Variants in CNNM4 observed in about 807,000 individuals in gnomAD.
The protein encoded by CNNM4 is cyclin and CBS domain divalent metal cation transport mediator 4.
CNNM4 carries 32 observed loss-of-function variants against 53.7 expected under a neutral mutation model. The ratio of observed to expected loss-of-function variants is 0.60; its 90% CI spans 0.45 to 0.80. The LOEUF (loss-of-function observed/expected upper bound fraction) is 0.80. CNNM4 is among the 30% of genes least tolerant of loss of function. The pLI is 0.00. For synonymous variants in CNNM4, 410 were observed against 440.0 expected, an observed-to-expected ratio of 0.93 and a Z score of 0.85; for missense variants, 784 against 1,022.0, an observed-to-expected ratio of 0.77 and a Z score of 3.17.
At chr2:96,771,158 C>T (rs1334761350) in intron 1 of CNNM4, among the ~76,000 whole-genome samples, 5 of 152,142 alleles carry the variant, frequency 3.3e-5, no homozygotes, top group South Asian at 2.1e-4. Flanking sequence ...CCCTGCGCCT[C>T]GCTTACCCCT....
In CNNM4 at chr2:96,800,478, C is replaced by T. The variant is rs941429972; in HGVS notation, c.1948+830C>T. 1.3e-5 allele frequency among the ~76,000 whole-genome samples: 2 copies of T among 152,178 alleles called. No individual in the cohort carries two copies. The highest frequency in any genetic ancestry group is 2.9e-5 in the Non-Finnish European group (2 of 68,016). On this transcript the variant is annotated intron_variant, in intron 5 of 6. Transcript: ENST00000377075. The surrounding 1 kb of genome is among the most constrained non-coding windows in gnomAD (Gnocchi z 4.6). ...CACTGTCCTTTGACAAAAAGGACCC[C>T]GAGGGGGAACGGGGGTAGGGCACCC...
chr2:96,780,610 C>T (rs934481823), intron 1 of CNNM4, among the ~76,000 whole-genome samples: 1 of 152,108 alleles, frequency 6.6e-6, no homozygotes, highest in Non-Finnish European at 1.5e-5. Context: ...GTTCTCATGA[C>T]CTCAGGTTCA....
intron 1 of CNNM4, among the ~76,000 whole-genome samples, chr2:96,769,831 CT>C (rs1233665746): frequency 2.0e-5 from 3 of 152,160 alleles, no homozygotes; most frequent in African/African-American, 7.2e-5. Flanking sequence ...TCAGCCCTGC[CT>C]GGTAATAGCC....
At chr2:96,799,023 C>A in intron 3 of CNNM4, 34 bp from the exon 4 acceptor site, 17 of 1,610,722 alleles carry the variant, frequency 1.1e-5, no homozygotes, top group Non-Finnish European at 1.3e-5. Flanking sequence ...ACCTGGCCAG[C>A]CCCGTGTGAG....
chr2:96,780,008 G>A (rs141761533), intron 1 of CNNM4, among the ~76,000 whole-genome samples: 37 of 152,186 alleles, frequency 2.4e-4, no homozygotes, highest in African/African-American at 8.2e-4. Context: ...CACCATGTTG[G>A]CTGGGATGGT....
Position 96,808,818 on chromosome 2 carries a change from C to T in CNNM4, c.2130+76C>T. 3.4e-6 allele frequency: 5 copies of T among 1,468,380 alleles called. No homozygotes were observed. The highest frequency in any genetic ancestry group is 1.7e-4 in the Middle Eastern group (1 of 5,824). The allele number at this position is 1,468,380 out of a possible 1,614,324, so 91.0% of individuals were successfully genotyped here. On this transcript the variant is annotated intron_variant, in intron 6 of 6. Transcript: ENST00000377075. The surrounding 1 kb of genome is among the most constrained non-coding windows in gnomAD (Gnocchi z 4.9). ...CAGCTACTACTTTCATCCACCAAACCCAGCATGGTGGGCCCAAACCCGAGA... is the reference window on the plus strand; with the variant it reads ...CAGCTACTACTTTCATCCACCAAACTCAGCATGGTGGGCCCAAACCCGAGA...
rs2079239064 is a variant in CNNM4 at position 96,809,495 on chromosome 2, C to T, written c.2306C>T (p.Ala769Val). The change falls in exon 7 of 7, where the codon GCC becomes GTC. Residue 769 changes from alanine to valine, a missense_variant. Physicochemically the swap from Ala to Val is moderately conservative, Grantham distance 64 (BLOSUM62 0). Transcript: ENST00000377075. ...GAGCGTAACTCCTTGCTGCACAAAG[C>T]CTCCCACGAGAATGCCATCTGACAG... ...LNERNSLLHK[A>V]SHENAI 1.2e-6 allele frequency: 2 copies of T among 1,614,112 alleles called. No homozygotes were observed. Among genetic ancestry groups the T allele is most frequent in the Non-Finnish European group, 1.7e-6 (2 of 1,180,052 alleles).
Position 96,761,289 on chromosome 2 carries a change from A to ACGATGC in CNNM4, c.294_299dup (p.Asp98_Ala99dup). Reference sequence around the variant, plus strand: ...AACCTGATCTCCTTCACCGAGGTGGACGATGCCGAGACCCTCCACAAGTCC... The same window carrying ACGATGC: ...AACCTGATCTCCTTCACCGAGGTGGACGATGCCGATGCCGAGACCCTCCACAAGTCC... On this transcript the variant is annotated inframe_insertion, in exon 1 of 7. Transcript: ENST00000377075. This position sits in a 1 kb window ranked among gnomAD's most constrained non-coding sequence, Gnocchi z 6.0. 1.2e-6 allele frequency: 2 copies of ACGATGC among 1,613,930 alleles called. No individual in the cohort carries two copies. Among genetic ancestry groups the ACGATGC allele is most frequent in the Non-Finnish European group, 1.7e-6 (2 of 1,179,992 alleles).
At chr2:96,804,331 G>A (rs1382564782) in intron 5 of CNNM4, among the ~76,000 whole-genome samples, 2 of 150,404 alleles carry the variant, frequency 1.3e-5, no homozygotes, top group Admixed American at 1.3e-4. Flanking sequence ...CCGGGTTCAA[G>A]TGATTCTCCT....
chr2:96,764,356 C>T (rs531199295), intron 1 of CNNM4, among the ~76,000 whole-genome samples: 19 of 152,256 alleles, frequency 1.2e-4, no homozygotes, highest in African/African-American at 4.3e-4. Context: ...CAGTTTACTC[C>T]GGGAAACTCT....
chr2:96,782,787 G>T (rs188782094), intron 1 of CNNM4, among the ~76,000 whole-genome samples: 1 of 152,258 alleles, frequency 6.6e-6, no homozygotes, highest in Non-Finnish European at 1.5e-5. Context: ...TGTGTATGTT[G>T]GGGAGGGTAG....
rs1053039132 is a variant in CNNM4 at position 96,810,817 on chromosome 2, C to T, written c.*1300C>T. The T allele has an allele frequency of 1.1e-4, 16 of 152,208 alleles. No individual in the cohort carries two copies. Among genetic ancestry groups the T allele is most frequent in the African/African-American group, 3.9e-4 (16 of 41,424 alleles). The allele number at this position is 152,208 out of a possible 1,614,324, so 9.4% of individuals were successfully genotyped here. A position where few individuals can be genotyped will look rare whatever the true frequency, so the allele number is the denominator to read the frequency against. On this transcript the variant is annotated 3_prime_UTR_variant, in exon 7 of 7. Coordinates refer to ENST00000377075, the MANE Select transcript of CNNM4 (RefSeq NM_020184.4). This position sits in a 1 kb window ranked among gnomAD's most constrained non-coding sequence, Gnocchi z 4.1. ...ATCCTAGCGTGAGAGGTCATCCTGCCCTTGCTGAAGTTAGTAGTACTGTAC... is the reference window on the plus strand; with the variant it reads ...ATCCTAGCGTGAGAGGTCATCCTGCTCTTGCTGAAGTTAGTAGTACTGTAC...
intron 5 of CNNM4, among the ~76,000 whole-genome samples, chr2:96,806,530 C>T (rs1403071575): frequency 7.0e-6 from 1 of 143,318 alleles, no homozygotes; most frequent in Non-Finnish European, 1.5e-5. Flanking sequence ...CACACACACA[C>T]ACACACGCGC....
At position 96,808,704 on chromosome 2, in the gene CNNM4, T is replaced by G. The variant is rs1169299457; in HGVS notation, c.2092T>G (p.Phe698Val). 2.5e-6 allele frequency: 4 copies of G among 1,614,076 alleles called. No individual in the cohort carries two copies. The highest frequency in any genetic ancestry group is 3.4e-6 in the Non-Finnish European group (4 of 1,180,040). The change falls in exon 6 of 7, where the codon TTC becomes GTC. Residue 698 changes from phenylalanine to valine, a missense_variant. Phe to Val is a conservative substitution (Grantham distance 50, BLOSUM62 -1). Coordinates refer to ENST00000377075, the MANE Select transcript of CNNM4 (RefSeq NM_020184.4). The surrounding 1 kb of genome is among the most constrained non-coding windows in gnomAD (Gnocchi z 4.9). ...SSVLGQYISD[F>V]SVRALVDLQY... ...TGTCCTGGGCCAGTACATCTCTGAC[T>G]TCAGCGTCCGGGCACTCGTGGACTT...
In CNNM4 at chr2:96,797,201, A is replaced by C; in HGVS notation, c.1546+46A>C. On this transcript the variant is annotated intron_variant, in intron 2 of 6. Coordinates refer to ENST00000377075, the MANE Select transcript of CNNM4 (RefSeq NM_020184.4). The surrounding 1 kb of genome is among the most constrained non-coding windows in gnomAD (Gnocchi z 6.0). The stretch of plus-strand genomic sequence containing the variant: ...GGCCCAGGACCCCTTTCCTGCTTGG[A>C]TCGAAACTTGGTGTCCCTAGCTGGA... 1 of 1,612,750 alleles carries C rather than the reference A, an allele frequency of 6.2e-7. No individual in the cohort carries two copies. The highest frequency in any genetic ancestry group is 8.5e-7 in the Non-Finnish European group (1 of 1,179,600).
chr2:96,809,363 T>G lies in CNNM4; in HGVS notation c.2174T>G (p.Met725Arg). The G allele has an allele frequency of 6.2e-7, 1 of 1,614,164 alleles. No homozygotes were observed. Among genetic ancestry groups the G allele is most frequent in the East Asian group, 2.2e-5 (1 of 44,882 alleles). The change falls in exon 7 of 7, where the codon ATG becomes AGG. Residue 725 changes from methionine to arginine, a missense_variant. Around this residue, in one of 3 missense-constraint regions of CNNM4, gnomAD observed 307 missense variants for 376.3 expected, o/e 0.82. Coordinates refer to ENST00000377075, the MANE Select transcript of CNNM4 (RefSeq NM_020184.4). ...QYQNGLLASR[M>R]ENSPQFPIDG... is the part of the protein sequence containing the mutation. ...CAGAACGGGCTGCTGGCTTCTCGCATGGAGAACAGCCCTCAGTTTCCCATA... is the reference window on the plus strand; with the variant it reads ...CAGAACGGGCTGCTGGCTTCTCGCAGGGAGAACAGCCCTCAGTTTCCCATA...
intron 1 of CNNM4, among the ~76,000 whole-genome samples, chr2:96,783,737 G>A (rs1266452225): frequency 6.6e-6 from 1 of 152,166 alleles, no homozygotes; most frequent in Non-Finnish European, 1.5e-5. Context: ...TTATACACAA[G>A]GATATTCATA....
At chr2:96,803,514 C>A (rs1477429207) in intron 5 of CNNM4, among the ~76,000 whole-genome samples, 1 of 152,050 alleles carries the variant, frequency 6.6e-6, no homozygotes, top group Non-Finnish European at 1.5e-5. Context: ...TGCCTGAGGT[C>A]GGGAGTTCGA....
intron 1 of CNNM4, among the ~76,000 whole-genome samples, chr2:96,777,210 A>C (rs943744187): frequency 6.7e-5 from 10 of 149,654 alleles, no homozygotes; most frequent in African/African-American, 2.5e-4. Context: ...TAGTAGAAAC[A>C]GGGTTTCACC....
Sources: allele counts gnomAD v4.1 joint callset (sites outside exome capture counted in the v4.1 genomes callset), GRCh38; gene constraint gnomAD v4.1.1; regional missense constraint gnomAD v4.1.1; non-coding constraint Gnocchi (gnomAD v3.1); transcripts MANE v1.5; gene names NCBI Gene and HGNC (gene_info 2026-07-23, HGNC 2026-07-21).